PLXNA2: variants seen among roughly 807,000 people sequenced by gnomAD.
PLXNA2 encodes plexin-A2.
In PLXNA2, 91 loss-of-function variants were observed where a neutral mutation model predicts 193.5. The observed-to-expected ratio is 0.47, with a 90% CI of 0.40 to 0.56. PLXNA2 has a LOEUF of 0.56. Ranked by LOEUF, PLXNA2 falls within the 20% of genes least tolerant of loss-of-function variation. The pLI is 0.00. For synonymous variants in PLXNA2, 997 were observed against 1,027.3 expected, an observed-to-expected ratio of 0.97 and a Z score of 0.56; for missense variants, 1,995 against 2,503.2, an observed-to-expected ratio of 0.80 and a Z score of 4.33.
chr1:208,240,957 C>T (rs1351666412), intron 1 of PLXNA2, among the ~76,000 whole-genome samples: 1 of 152,054 alleles, frequency 6.6e-6, no homozygotes, highest in Non-Finnish European at 1.5e-5. Context: ...CTTAGGGAGG[C>T]AATCATAGAA....
intron 3 of PLXNA2, among the ~76,000 whole-genome samples, chr1:208,189,407 A>G (rs1434077012): frequency 1.3e-5 from 2 of 151,836 alleles, no homozygotes; most frequent in Admixed American, 6.6e-5. Context: ...AGGGCCCCAC[A>G]GGAGGCCCAG....
intron 5 of PLXNA2, among the ~76,000 whole-genome samples, chr1:208,101,038 T>C (rs1667080798): frequency 6.6e-6 from 1 of 152,224 alleles, no homozygotes; most frequent in Non-Finnish European, 1.5e-5. Context: ...ATGAATGCTG[T>C]CAAAGAAAAG....
chr1:208,131,126 G>A (rs1668136051), intron 4 of PLXNA2, among the ~76,000 whole-genome samples: 1 of 152,112 alleles, frequency 6.6e-6, no homozygotes, highest in African/African-American at 2.4e-5. Context: ...CAGAGCCCTG[G>A]CCCACATACA....
chr1:208,209,809 G>A (rs542783556), intron 3 of PLXNA2, among the ~76,000 whole-genome samples: 4 of 152,002 alleles, frequency 2.6e-5, no homozygotes, highest in East Asian at 1.9e-4. Context: ...AGCACCCACC[G>A]TTTACCCCAG....
chr1:208,046,057 A>C lies in PLXNA2; in HGVS notation c.3316T>G (p.Tyr1106Asp). The C allele has an allele frequency of 6.2e-7, 1 of 1,614,242 alleles. No individual in the cohort carries two copies. The highest frequency in any genetic ancestry group is 8.5e-7 in the Non-Finnish European group (1 of 1,180,048). Reference sequence around the variant, plus strand: ...TCCACAGTGTCCAGGCCAGGGCGGTAGTCCGTGGTCAGAGAGGGTGCCAGG... The same window carrying C: ...TCCACAGTGTCCAGGCCAGGGCGGTCGTCCGTGGTCAGAGAGGGTGCCAGG... ...TCLAPSLTTD[Y>D]RPGLDTVERP... Residue 1106 changes from tyrosine to aspartate, a missense_variant, in exon 18 of 32, where the codon TAC becomes GAC. Physicochemically the swap from Tyr to Asp is radical, Grantham distance 160. Around this residue, in one of 3 missense-constraint regions of PLXNA2, gnomAD observed 1,291 missense variants for 1,673.6 expected, o/e 0.77. Transcript: ENST00000367033.
At chr1:208,159,837 GTGA>G in intron 3 of PLXNA2, among the ~76,000 whole-genome samples, 1 of 152,326 alleles carries the variant, frequency 6.6e-6, no homozygotes, top group East Asian at 1.9e-4. Context: ...GAGTGGGAGG[GTGA>G]ACCTGTGCTT....
At chr1:208,040,662 G>C (rs1243778490) in intron 22 of PLXNA2, among the ~76,000 whole-genome samples, 1 of 152,214 alleles carries the variant, frequency 6.6e-6, no homozygotes, top group African/African-American at 2.4e-5. Context: ...CAACCCCAGT[G>C]GTTGTTGTCA....
At chr1:208,148,709 T>C (rs1668669878) in intron 3 of PLXNA2, among the ~76,000 whole-genome samples, 1 of 152,146 alleles carries the variant, frequency 6.6e-6, no homozygotes, top group South Asian at 2.1e-4. Flanking sequence ...TGTCTGGTCT[T>C]CATGAACACA....
chr1:208,072,099 G>A (rs550655798), intron 12 of PLXNA2, among the ~76,000 whole-genome samples: 119 of 152,278 alleles, frequency 7.8e-4, no homozygotes, highest in African/African-American at 2.8e-3. Flanking sequence ...ATTTGAGCTT[G>A]GTTTTGGAGG....
At chr1:208,233,949 G>T (rs377485363) in intron 1 of PLXNA2, among the ~76,000 whole-genome samples, 1 of 152,170 alleles carries the variant, frequency 6.6e-6, no homozygotes, top group African/African-American at 2.4e-5. Flanking sequence ...TGTGGTGTGT[G>T]CTAAGGGCCG....
chr1:208,093,000 T>C (rs1571907169), intron 8 of PLXNA2, 100 bp from the exon 9 acceptor site: 2 of 747,636 alleles, frequency 2.7e-6, no homozygotes, highest in East Asian at 2.7e-5. Flanking sequence ...TAAATCCTAG[T>C]CTCATTCTCA....
intron 3 of PLXNA2, among the ~76,000 whole-genome samples, chr1:208,163,909 G>A (rs1669213866): frequency 6.6e-6 from 1 of 152,164 alleles, no homozygotes; most frequent in Non-Finnish European, 1.5e-5. Context: ...TGGGCCAGAT[G>A]CCCTTCTCCC....
At chr1:208,156,927 T>C (rs1209152051) in intron 3 of PLXNA2, among the ~76,000 whole-genome samples, 2 of 152,226 alleles carry the variant, frequency 1.3e-5, no homozygotes, top group Non-Finnish European at 2.9e-5. Flanking sequence ...TTTTTCAGCA[T>C]TTGTTACTCC....
intron 2 of PLXNA2, among the ~76,000 whole-genome samples, chr1:208,215,936 C>T (rs1671113063): frequency 6.6e-6 from 1 of 152,192 alleles, no homozygotes; most frequent in South Asian, 2.1e-4. Context: ...CCTTTGCCCA[C>T]ACTCCTGATT....
chr1:208,162,547 G>C (rs941497733), intron 3 of PLXNA2, among the ~76,000 whole-genome samples: 2 of 152,210 alleles, frequency 1.3e-5, no homozygotes, highest in Non-Finnish European at 2.9e-5. Flanking sequence ...GGGAGAAGCA[G>C]AATCTTTTTA....
At chr1:208,197,207 C>T (rs1558239414) in intron 3 of PLXNA2, among the ~76,000 whole-genome samples, 1 of 152,158 alleles carries the variant, frequency 6.6e-6, no homozygotes, top group Non-Finnish European at 1.5e-5. Context: ...AAATTATTTT[C>T]AGTCTGAAGA....
intron 3 of PLXNA2, among the ~76,000 whole-genome samples, chr1:208,186,874 C>T (rs936242785): frequency 1.3e-5 from 2 of 150,970 alleles, no homozygotes; most frequent in South Asian, 2.1e-4. Flanking sequence ...CGCCCGCCAC[C>T]GCGCCCGGCT....
chr1:208,221,542 C>T (rs1671338382), intron 1 of PLXNA2, among the ~76,000 whole-genome samples: 1 of 152,094 alleles, frequency 6.6e-6, no homozygotes, highest in Non-Finnish European at 1.5e-5. Flanking sequence ...GGACTGCCCG[C>T]CTGGGAGCAG....
At chr1:208,226,707 C>T (rs537566992) in intron 1 of PLXNA2, among the ~76,000 whole-genome samples, 1 of 152,208 alleles carries the variant, frequency 6.6e-6, no homozygotes, top group African/African-American at 2.4e-5. Context: ...GGTCGCCACC[C>T]GGGCAGAGCT....
Sources: gnomAD v4.1 joint callset for allele counts (sites outside exome capture counted in the v4.1 genomes callset) on GRCh38, gnomAD v4.1.1 for gene constraint, gnomAD v4.1.1 regional missense constraint, MANE v1.5 for transcripts, NCBI Gene and HGNC (gene_info 2026-07-23, HGNC 2026-07-21) for gene names.